The following SATB2 variants were observed in gnomAD, a reference collection of about 807,000 sequenced individuals.
The protein encoded by SATB2 is SATB homeobox 2.
Under a neutral mutation model 73.4 loss-of-function variants are expected in SATB2, and 1 was observed. The observed-to-expected ratio is 0.01, with a 90% confidence interval of 0.00 to 0.06. SATB2 has a LOEUF of 0.06. Ranked by LOEUF, SATB2 falls within the 10% of genes least tolerant of loss-of-function variation. The probability of loss-of-function intolerance (pLI) is 1.00; values close to 1 mark genes in which losing one functional copy is unlikely to be tolerated. For synonymous variants in SATB2, 397 were observed against 367.0 expected (o/e 1.08, Z -0.93); for missense variants, 459 against 945.8 (o/e 0.49, Z 6.75).
chr2:199,426,692 CAAA>C (rs200293007), intron 3 of SATB2, among the ~76,000 whole-genome samples: 1 of 128,272 alleles, frequency 7.8e-6, no homozygotes, highest in African/African-American at 3.3e-5. Context: ...CATTCTCTCT[CAAA>C]AAAAAAAAAA....
At chr2:199,309,106 A>G in intron 9 of SATB2, 149 bp from the exon 10 acceptor site, 1 of 716,592 alleles carries the variant, frequency 1.4e-6, no homozygotes, top group Non-Finnish European at 2.5e-6. Flanking sequence ...GTCTGACTCT[A>G]AAAACCAACC....
intron 10 of SATB2, among the ~76,000 whole-genome samples, chr2:199,283,608 G>A (rs1260293410): frequency 6.7e-6 from 1 of 149,678 alleles, no homozygotes; most frequent in Non-Finnish European, 1.5e-5. Flanking sequence ...CTATTGCATA[G>A]ACCACACTTC....
chr2:199,330,212 G>T (rs931441302), intron 7 of SATB2, among the ~76,000 whole-genome samples: 1 of 152,158 alleles, frequency 6.6e-6, no homozygotes, highest in African/African-American at 2.4e-5. Context: ...TTCAGGGAAA[G>T]GTAGGCAATG....
intron 6 of SATB2, among the ~76,000 whole-genome samples, chr2:199,366,886 G>A (rs1031828161): frequency 7.0e-6 from 1 of 142,212 alleles, no homozygotes; most frequent in Non-Finnish European, 1.5e-5. Context: ...GAAGATATGA[G>A]TGTTAATGTG....
At chr2:199,458,674 C>A (rs1357961250), upstream of SATB2, 1 of 442,272 alleles carries the variant, frequency 2.3e-6, no homozygotes, top group Non-Finnish European at 4.5e-6. Flanking sequence ...AAGAGGCGAC[C>A]GCGGCTGCCT....
chr2:199,307,312 A>G (rs1009233678), intron 10 of SATB2, among the ~76,000 whole-genome samples: 1 of 152,186 alleles, frequency 6.6e-6, no homozygotes, highest in African/African-American at 2.4e-5. Context: ...TGGAAAGCCT[A>G]CATTGGGCCC....
chr2:199,285,448 T>C (rs1379284933), intron 10 of SATB2, among the ~76,000 whole-genome samples: 3 of 152,140 alleles, frequency 2.0e-5, no homozygotes, highest in African/African-American at 7.2e-5. Flanking sequence ...CTTCAAATGA[T>C]GTTACTTAAG....
At chr2:199,426,692 C>CAAAAAAAAAAAA (rs200293007) in intron 3 of SATB2, among the ~76,000 whole-genome samples, 3 of 128,274 alleles carry the variant, frequency 2.3e-5, no homozygotes, top group African/African-American at 6.6e-5. Context: ...CATTCTCTCT[C>CAAAAAAAAAAAA]AAAAAAAAAA....
chr2:199,391,598 T>C (rs898036726), intron 3 of SATB2, among the ~76,000 whole-genome samples: 5 of 152,166 alleles, frequency 3.3e-5, no homozygotes, highest in Admixed American at 6.5e-5. Context: ...GTTCCTTGAT[T>C]TACATTTTTT....
rs200087021 is a variant in SATB2 at position 199,323,985 on chromosome 2, T to A, written c.1387-27A>T. ...TACCAAGAGACCATGAAAATAATAA[T>A]TTAAAAAGTGCTGCATTCAGCCCAG... On this transcript the variant is annotated intron_variant, in intron 8 of 10. Transcript: ENST00000417098. 11 of 1,612,942 alleles carry A rather than the reference T, an allele frequency of 6.8e-6. No individual in the cohort carries two copies. In the South Asian group the frequency reaches 1.1e-4, roughly 16 times the overall value.
rs1005890706 is a variant in SATB2 at position 199,392,251 on chromosome 2, CT to C, written c.347-10432del. Among the ~76,000 whole-genome samples, 61 of 148,386 alleles carry C rather than the reference CT, an allele frequency of 4.1e-4. 1 individual carries two copies. In the East Asian group the frequency reaches 5.1e-3, roughly 12 times the overall value. On this transcript the variant is annotated intron_variant, in intron 3 of 10. Coordinates refer to ENST00000417098, the MANE Select transcript of SATB2 (RefSeq NM_001172509.2). ...CAGAAAAATCAAAATTCCCAGATTC[CT>C]TTTTTTTTTCCCTTCAATTCACTGG...
rs577191167 is a variant in SATB2, at chr2:199,317,064, T to C, written c.1542+6739A>G. 5.3e-5 allele frequency among the ~76,000 whole-genome samples: 8 copies of C among 151,616 alleles called. No individual in the cohort carries two copies. In the South Asian group the frequency reaches 1.7e-3, roughly 32 times the overall value. ...TGGGTGGGTGGCAGGGGTGGGGCGG[T>C]ATGGGCAGGGTAGTGGTTGGGGAAA... On this transcript the variant is annotated intron_variant, in intron 9 of 10. Transcript: ENST00000417098.
intron 3 of SATB2, among the ~76,000 whole-genome samples, chr2:199,404,459 A>AC: frequency 6.6e-6 from 1 of 152,358 alleles, no homozygotes; most frequent in East Asian, 1.9e-4. Context: ...ACGGGGAAGA[A>AC]CAATACAAGA....
chr2:199,456,563 T>C (rs1692281456), intron 1 of SATB2, among the ~76,000 whole-genome samples: 1 of 152,210 alleles, frequency 6.6e-6, no homozygotes, highest in Non-Finnish European at 1.5e-5. Flanking sequence ...GCGCTGTGAA[T>C]GGCCAGGCAG....
At chr2:199,413,600 C>G (rs375594922) in intron 3 of SATB2, among the ~76,000 whole-genome samples, 1 of 138,580 alleles carries the variant, frequency 7.2e-6, no homozygotes, top group Non-Finnish European at 1.6e-5. Flanking sequence ...TTTTTCTGAG[C>G]AGCATTGTGT....
chr2:199,423,252 G>A (rs1691225857), intron 3 of SATB2, among the ~76,000 whole-genome samples: 1 of 151,986 alleles, frequency 6.6e-6, no homozygotes, highest in Non-Finnish European at 1.5e-5. Context: ...TATCTTGAGG[G>A]CAGAGACATT....
At chr2:199,423,055 A>C (rs1490551010) in intron 3 of SATB2, among the ~76,000 whole-genome samples, 1 of 152,182 alleles carries the variant, frequency 6.6e-6, no homozygotes, top group East Asian at 1.9e-4. Flanking sequence ...AAACATATTC[A>C]AAACCTGTCA....
rs1692173746 is a variant in SATB2 at position 199,272,079 on chromosome 2, C to T, written c.*132G>A. 2.4e-6 allele frequency: 2 copies of T among 836,408 alleles called. No individual in the cohort carries two copies. The highest frequency in any genetic ancestry group is 1.7e-5 in the African/African-American group (1 of 59,276). The allele number at this position is 836,408 out of a possible 1,614,324, so 51.8% of individuals were successfully genotyped here. On this transcript the variant is annotated 3_prime_UTR_variant, in exon 11 of 11. Transcript: ENST00000417098. The surrounding 1 kb of genome is among the most constrained non-coding windows in gnomAD (Gnocchi z 6.7). ...AAAAGGGTAAGAAAAACAAAACAGA[C>T]ATAAAAAGACAAAAATAAAGCCAAA...
chr2:199,286,492 C>T (rs1211887321), intron 10 of SATB2, among the ~76,000 whole-genome samples: 1 of 152,148 alleles, frequency 6.6e-6, no homozygotes, highest in South Asian at 2.1e-4. Context: ...TCCACAAAAA[C>T]AACAAACACA....
Sources: allele counts gnomAD v4.1 joint callset (sites outside exome capture counted in the v4.1 genomes callset), GRCh38; gene constraint gnomAD v4.1.1; non-coding constraint Gnocchi (gnomAD v3.1); transcripts MANE v1.5; gene names NCBI Gene and HGNC (gene_info 2026-07-23, HGNC 2026-07-21).